The following KAZN variants were observed in gnomAD, a reference collection of about 807,000 sequenced individuals.
KAZN encodes the protein kazrin, periplakin interacting protein, also known as kazrin.
Under a neutral mutation model 87.4 loss-of-function variants are expected in KAZN, and 40 were observed. That is an observed-to-expected ratio of 0.46 (90% CI 0.36 to 0.60). The LOEUF is 0.60. Among genes scored for constraint, KAZN ranks in the 20% least tolerant of loss-of-function variants. KAZN has a pLI of 0.00. For synonymous variants in KAZN, 466 were observed against 458.3 expected, an observed-to-expected ratio of 1.02 and a Z score of -0.22; for missense variants, 898 against 1,073.9, an observed-to-expected ratio of 0.84 and a Z score of 2.29.
intron 2 of KAZN, among the ~76,000 whole-genome samples, chr1:14,322,108 T>C (rs1037532467): frequency 6.6e-6 from 1 of 152,096 alleles, no homozygotes; most frequent in African/African-American, 2.4e-5. Context: ...ACAAACTTGG[T>C]AGAGGCTCTC....
chr1:14,538,761 A>G (rs1185829476), intron 2 of KAZN, among the ~76,000 whole-genome samples: 1 of 152,196 alleles, frequency 6.6e-6, no homozygotes, highest in African/African-American at 2.4e-5. Flanking sequence ...ATTTTTTTCA[A>G]AGATATTCAT....
At chr1:14,328,547 C>CA (rs200083571) in intron 2 of KAZN, among the ~76,000 whole-genome samples, 6 of 151,694 alleles carry the variant, frequency 4.0e-5, no homozygotes, top group Admixed American at 3.9e-4. Flanking sequence ...ACTAAACATA[C>CA]AAAAAATTAG....
intron 1 of KAZN, among the ~76,000 whole-genome samples, chr1:14,157,283 C>T (rs952064004): frequency 6.6e-6 from 1 of 152,118 alleles, no homozygotes; most frequent in Non-Finnish European, 1.5e-5. Context: ...TTACATATCA[C>T]AGTTACAGTG....
At chr1:14,960,986 C>T in intron 2 of KAZN, 111 bp downstream of exon 2, 1 of 1,145,500 alleles carries the variant, frequency 8.7e-7, no homozygotes, top group Non-Finnish European at 1.2e-6. Context: ...TCTCCCAGCA[C>T]CCACCTCCAG....
At chr1:14,306,676 A>G (rs1241988502) in intron 2 of KAZN, among the ~76,000 whole-genome samples, 1 of 152,184 alleles carries the variant, frequency 6.6e-6, no homozygotes, top group Non-Finnish European at 1.5e-5. Flanking sequence ...GTGACAGGAC[A>G]TAGCCCAGGG....
At chr1:14,126,621 A>G (rs1178735394) in intron 1 of KAZN, among the ~76,000 whole-genome samples, 1 of 132,200 alleles carries the variant, frequency 7.6e-6, no homozygotes, top group African/African-American at 3.1e-5. Context: ...TACAAATGCA[A>G]AAGTATGATA....
intron 1 of KAZN, among the ~76,000 whole-genome samples, chr1:14,173,616 T>C (rs1017932726): frequency 2.6e-5 from 4 of 152,080 alleles, no homozygotes; most frequent in Non-Finnish European, 5.9e-5. Context: ...GAGTGGTAAA[T>C]TGTTATAAAT....
intron 2 of KAZN, among the ~76,000 whole-genome samples, chr1:14,405,703 T>C (rs12023531): frequency 0.15 from 23,264 of 150,990 alleles, 1,840 homozygotes; most frequent in East Asian, 0.23. Context: ...ATTATGGAGG[T>C]TTACAAGTTC....
chr1:14,904,309 G>GGA (rs372451846), intron 1 of KAZN, among the ~76,000 whole-genome samples: 2 of 137,878 alleles, frequency 1.5e-5, no homozygotes, highest in East Asian at 4.3e-4. Flanking sequence ...CGTCTCAAAA[G>GGA]AAAAAAAAAA....
chr1:15,056,978 C>A lies in KAZN; in HGVS notation c.916+698C>A, dbSNP rs1393978727. 6.6e-6 allele frequency among the ~76,000 whole-genome samples: 1 copy of A among 152,250 alleles called. No individual in the cohort carries two copies. Among genetic ancestry groups the A allele is most frequent in the Non-Finnish European group, 1.5e-5 (1 of 68,042 alleles). On this transcript the variant is annotated intron_variant, in intron 5 of 14. Transcript: ENST00000376030. The surrounding 1 kb of genome is among the most constrained non-coding windows in gnomAD (Gnocchi z 5.4). ...ATAGATGCAAGTTGGGAACAGGCATCCAGCAGCAGCCAATGCACCAGAGGT... is the reference window on the plus strand; with the variant it reads ...ATAGATGCAAGTTGGGAACAGGCATACAGCAGCAGCCAATGCACCAGAGGT...
At chr1:14,850,728 T>A (rs900890890) in intron 1 of KAZN, among the ~76,000 whole-genome samples, 1 of 152,094 alleles carries the variant, frequency 6.6e-6, no homozygotes, top group African/African-American at 2.4e-5. Context: ...GTGGCTCTGT[T>A]CCAGGAGAGG....
At chr1:14,196,373 A>G (rs532925965) in intron 2 of KAZN, among the ~76,000 whole-genome samples, 2 of 152,348 alleles carry the variant, frequency 1.3e-5, no homozygotes, top group East Asian at 3.9e-4. Flanking sequence ...GTGACCTATT[A>G]GGAGACAGTA....
intron 14 of KAZN, 123 bp downstream of exon 14, chr1:15,112,664 G>A (rs552029383): frequency 7.6e-6 from 5 of 655,834 alleles, no homozygotes; most frequent in East Asian, 2.8e-5. Flanking sequence ...GCCGGGTCAC[G>A]GGGGCATCCA....
rs1348463695 is a variant in KAZN, at chr1:14,820,677, A to G, written c.227-140007A>G. Among the ~76,000 whole-genome samples the G allele has an allele frequency of 1.3e-5, 2 of 152,372 alleles. No homozygotes were observed. Among genetic ancestry groups the G allele is most frequent in the South Asian group, 4.1e-4 (2 of 4,828 alleles). On this transcript the variant is annotated intron_variant, in intron 1 of 14. Coordinates refer to ENST00000376030, the MANE Select transcript of KAZN (RefSeq NM_201628.3). This position sits in a 1 kb window ranked among gnomAD's most constrained non-coding sequence, Gnocchi z 4.1. ...ACTTCAAAAGGAAGATGAAGGCCCC[A>G]GCAAGGGAGGTATTCCTGTCTTGAG...
intron 1 of KAZN, among the ~76,000 whole-genome samples, chr1:14,646,189 A>G (rs1227528912): frequency 1.3e-5 from 2 of 152,116 alleles, no homozygotes; most frequent in Admixed American, 6.5e-5. Flanking sequence ...GGTTACGTGA[A>G]TCTATACATT....
intron 2 of KAZN, among the ~76,000 whole-genome samples, chr1:14,344,157 T>C (rs930433078): frequency 8.6e-6 from 1 of 116,172 alleles, no homozygotes; most frequent in Admixed American, 8.8e-5. Context: ...TATCCATTCA[T>C]GTATTCTTTT....
At chr1:14,404,088 T>C (rs549023787) in intron 2 of KAZN, among the ~76,000 whole-genome samples, 102 of 152,290 alleles carry the variant, frequency 6.7e-4, no homozygotes, top group African/African-American at 2.4e-3. Flanking sequence ...GAACTGGTTA[T>C]GACTAGGTGT....
intron 1 of KAZN, among the ~76,000 whole-genome samples, chr1:14,053,325 G>A (rs1157909606): frequency 6.6e-6 from 1 of 152,178 alleles, no homozygotes; most frequent in Admixed American, 6.5e-5. Context: ...ACCATCAGAG[G>A]AGACGACGAG....
rs1240284822 is a variant in KAZN, at chr1:14,419,524, G to C, written c.250-179459G>C. On this transcript the variant is annotated intron_variant, in intron 2 of 16. Transcript: ENST00000636203. ...TGTTAGGCCAGTTCCCTCTGTGTGG[G>C]GAAGTGTCCGGAATTTGTGGGTTCT... 2.0e-5 allele frequency among the ~76,000 whole-genome samples: 3 copies of C among 152,318 alleles called. No individual in the cohort carries two copies. The South Asian group carries it at 6.2e-4, about 32-fold the overall frequency.
Sources: allele counts gnomAD v4.1 joint callset (sites outside exome capture counted in the v4.1 genomes callset), GRCh38; gene constraint gnomAD v4.1.1; non-coding constraint Gnocchi (gnomAD v3.1); transcripts MANE v1.5; gene names NCBI Gene and HGNC (gene_info 2026-07-23, HGNC 2026-07-21).